ERBB3: variants seen among roughly 807,000 people sequenced by gnomAD.
The protein encoded by ERBB3 is receptor tyrosine-protein kinase erbB-3.
In ERBB3, 96 loss-of-function variants were observed where a neutral mutation model predicts 156.7. The observed-to-expected ratio is 0.61, with a 90% confidence interval of 0.52 to 0.73. The LOEUF is 0.73. Among genes scored for constraint, ERBB3 ranks in the 30% least tolerant of loss-of-function variants. The probability of loss-of-function intolerance (pLI) is 0.00; values close to 1 mark genes in which losing one functional copy is unlikely to be tolerated. For missense variants in ERBB3, 1,406 were observed against 1,709.4 expected (o/e 0.82, Z 3.13); for synonymous variants, 567 against 632.0 (o/e 0.90, Z 1.54).
In ERBB3 at chr12:56,097,876, C is replaced by T. The variant is rs781394944; in HGVS notation, c.2552C>T (p.Ala851Val). The T allele has an allele frequency of 6.2e-7, 1 of 1,614,010 alleles. No homozygotes were observed. Among genetic ancestry groups the T allele is most frequent in the Non-Finnish European group, 8.5e-7 (1 of 1,180,018 alleles). ...AAGTCACCCAGTCAGGTTCAGGTGG[C>T]AGATTTTGGTGTGGCTGACCTGCTG... ...LLKSPSQVQV[A>V]DFGVADLLPP... Residue 851 changes from alanine (A) to valine (V), a missense_variant, in exon 21 of 28, where the codon GCA (alanine) becomes GTA (valine). By Grantham distance (64) the Ala-to-Val change is moderately conservative. Around this residue, in one of 3 missense-constraint regions of ERBB3, gnomAD observed 979 missense variants for 1,219.6 expected, o/e 0.80. Coordinates refer to ENST00000267101, the MANE Select transcript of ERBB3 (RefSeq NM_001982.4).
At chr12:56,097,534 A>C (rs763795883) in intron 20 of ERBB3, among the ~76,000 whole-genome samples, 1 of 152,182 alleles carries the variant, frequency 6.6e-6, no homozygotes, top group Non-Finnish European at 1.5e-5. Context: ...TGAACTGTGC[A>C]TGTGAAGGAT....
chr12:56,080,458 G>A, intron 1 of ERBB3, 76 bp downstream of exon 1: 1 of 1,237,534 alleles, frequency 8.1e-7, no homozygotes. Context: ...GGAGGGTATG[G>A]GCACGGTCTC....
chr12:56,093,611 G>T, intron 12 of ERBB3, 61 bp downstream of exon 12: 1 of 1,572,760 alleles, frequency 6.4e-7, no homozygotes, highest in Non-Finnish European at 8.7e-7. Flanking sequence ...GGGCTGAAAG[G>T]ACTATTCTGC....
intron 17 of ERBB3, 125 bp downstream of exon 17, chr12:56,095,931 C>G (rs1431013740): frequency 2.0e-6 from 2 of 978,566 alleles, no homozygotes; most frequent in Non-Finnish European, 3.2e-6. Flanking sequence ...AATGTCACTC[C>G]CCTCCTCTTT....
intron 9 of ERBB3, among the ~76,000 whole-genome samples, chr12:56,091,694 C>T (rs537147697): frequency 2.6e-5 from 4 of 151,968 alleles, no homozygotes; most frequent in East Asian, 1.9e-4. Context: ...TGAGGATGTA[C>T]GTGATGTTGA....
chr12:56,092,977 A>G lies in ERBB3; in HGVS notation c.1184-9A>G, dbSNP rs1565859132. ...CTCCCTGCCCATATGCCTCTCTCCA[A>G]CCCCTCAGGTTACCTGAACATCCAG... On this transcript the variant is annotated splice_polypyrimidine_tract_variant and intron_variant, in intron 10 of 27. Coordinates refer to ENST00000267101, the MANE Select transcript of ERBB3 (RefSeq NM_001982.4). 6.2e-7 allele frequency: 1 copy of G among 1,612,466 alleles called. No individual in the cohort carries two copies. The highest frequency in any genetic ancestry group is 1.7e-5 in the Admixed American group (1 of 60,006).
In ERBB3 at chr12:56,097,895, CCTG is replaced by C. The variant is rs769041526; in HGVS notation, c.2576_2578del (p.Leu859del). The C allele has an allele frequency of 6.2e-7, 1 of 1,613,638 alleles. No homozygotes were observed. Among genetic ancestry groups the C allele is most frequent in the Non-Finnish European group, 8.5e-7 (1 of 1,180,018 alleles). On this transcript the variant is annotated inframe_deletion, in exon 21 of 28. Transcript: ENST00000267101. ...AGGTGGCAGATTTTGGTGTGGCTGACCTGCTGCCTCCTGATGATAAGCAGCTGC... is the reference window on the plus strand; with the variant it reads ...AGGTGGCAGATTTTGGTGTGGCTGACCTGCCTCCTGATGATAAGCAGCTGC...
intron 17 of ERBB3, 148 bp downstream of exon 17, chr12:56,095,954 G>T (rs941752675): frequency 2.6e-5 from 22 of 844,516 alleles, no homozygotes; most frequent in Non-Finnish European, 4.1e-5. Context: ...CCAGAGATTT[G>T]ATCCCTTTCT....
chr12:56,100,749 G>T (rs1869064026), intron 26 of ERBB3, among the ~76,000 whole-genome samples: 1 of 151,530 alleles, frequency 6.6e-6, no homozygotes. Flanking sequence ...AGACCAGCCT[G>T]ACCAACATGG....
chr12:56,095,894 G>A (rs928557554), intron 17 of ERBB3, 88 bp downstream of exon 17: 1 of 1,405,412 alleles, frequency 7.1e-7, no homozygotes, highest in Non-Finnish European at 1.0e-6. Context: ...GTGGTACCCT[G>A]TGCACCCAGG....
At chr12:56,097,991 T>A in intron 21 of ERBB3, 51 bp downstream of exon 21, 3 of 1,591,132 alleles carry the variant, frequency 1.9e-6, no homozygotes, top group Non-Finnish European at 2.6e-6. Flanking sequence ...AGCATGGGGA[T>A]AGGGAGCAGC....
At chr12:56,090,759 A>G (rs2136803396) in intron 9 of ERBB3, among the ~76,000 whole-genome samples, 1 of 152,194 alleles carries the variant, frequency 6.6e-6, no homozygotes, top group African/African-American at 2.4e-5. Context: ...CGTGAGGGTA[A>G]ATTTTCACAC....
Position 56,092,147 on chromosome 12 carries a change from T to G in ERBB3, c.1110-600T>G, listed in dbSNP as rs190516343. ...GCTCATGCCTGTAATTCCAGCACTT[T>G]GGGAGGCCGAGGCGGGCGGATCACA... is the stretch of plus-strand genomic sequence containing the variant. On this transcript the variant is annotated intron_variant, in intron 9 of 27. Coordinates refer to ENST00000267101, the MANE Select transcript of ERBB3 (RefSeq NM_001982.4). Among the ~76,000 whole-genome samples, 1,242 of 150,966 alleles carry G rather than the reference T, an allele frequency of 8.2e-3. 24 individuals carry two copies. Among genetic ancestry groups the G allele is most frequent in the South Asian group, 0.044 (211 of 4,762 alleles).
chr12:56,085,038 A>G lies in ERBB3; in HGVS notation c.278A>G (p.Glu93Gly), dbSNP rs2136788047. The change falls in exon 3 of 28, where the codon GAA (glutamate) becomes GGA (glycine). Residue 93 changes from glutamate (E) to glycine (G), a missense_variant. By Grantham distance (98) the Glu-to-Gly change is moderately conservative (BLOSUM62 -2). Coordinates refer to ENST00000267101, the MANE Select transcript of ERBB3 (RefSeq NM_001982.4). ...GGCTATGTCCTCGTGGCCATGAATG[A>G]ATTCTCTACTCTACCATTGCCCAAC... ...VTGYVLVAMNEFSTLPLPNLR... is the reference protein window; with the variant it reads ...VTGYVLVAMNGFSTLPLPNLR... 6.2e-7 allele frequency: 1 copy of G among 1,614,028 alleles called. No homozygotes were observed. Among genetic ancestry groups the G allele is most frequent in the South Asian group, 1.1e-5 (1 of 91,080 alleles).
chr12:56,087,791 A>G lies in ERBB3; in HGVS notation c.614-4A>G, dbSNP rs202162033. The G allele has an allele frequency of 7.4e-6, 12 of 1,612,918 alleles. No homozygotes were observed. Among genetic ancestry groups the G allele is most frequent in the East Asian group, 6.7e-5 (3 of 44,882 alleles). On this transcript the variant is annotated splice_region_variant and splice_polypyrimidine_tract_variant and intron_variant, in intron 5 of 27. Transcript: ENST00000267101. ...TAACAGCCATGCTTTCTCTCCTTCC[A>G]TAGTGACCAAGACCATCTGTGCTCC... is the stretch of plus-strand genomic sequence containing the variant.
chr12:56,090,223 C>T (rs1387153975), intron 9 of ERBB3, among the ~76,000 whole-genome samples: 1 of 151,862 alleles, frequency 6.6e-6, no homozygotes, highest in African/African-American at 2.4e-5. Context: ...TGGTCTCGAA[C>T]TCCTGACCTC....
chr12:56,098,272 C>T (rs946600369), intron 21 of ERBB3: 24 of 567,098 alleles, frequency 4.2e-5, no homozygotes, highest in Middle Eastern at 9.3e-4. Flanking sequence ...ATTAGCCAGG[C>T]GTGGCGGCAT....
At chr12:56,080,437 C>A (rs2136781758) in intron 1 of ERBB3, 55 bp downstream of exon 1, 4 of 1,395,388 alleles carry the variant, frequency 2.9e-6, no homozygotes, top group African/African-American at 1.4e-5. Flanking sequence ...GAACCCAGTG[C>A]GCGCAGCCTC....
At chr12:56,095,460 G>A in intron 16 of ERBB3, 150 bp downstream of exon 16, 1 of 886,844 alleles carries the variant, frequency 1.1e-6, no homozygotes, top group Non-Finnish European at 1.8e-6. Context: ...AAGAATGCAG[G>A]CTTCTGGACT....
Sources: allele counts gnomAD v4.1 joint callset (sites outside exome capture counted in the v4.1 genomes callset), GRCh38; gene constraint gnomAD v4.1.1; regional missense constraint gnomAD v4.1.1; transcripts MANE v1.5; gene names NCBI Gene and HGNC (gene_info 2026-07-23, HGNC 2026-07-21).